G3BP2: variants seen among roughly 807,000 people sequenced by gnomAD.
The protein encoded by G3BP2 is G3BP stress granule assembly factor 2.
In G3BP2, 11 loss-of-function variants were observed where a neutral mutation model predicts 56.7. The ratio of observed to expected loss-of-function variants is 0.19; its 90% confidence interval spans 0.12 to 0.32. The LOEUF (loss-of-function observed/expected upper bound fraction) is 0.32, where lower values mean the gene tolerates loss of function less well. Among genes scored for constraint, G3BP2 ranks in the 10% least tolerant of loss-of-function variants. G3BP2 has a pLI of 1.00. For synonymous variants in G3BP2, 165 were observed against 191.6 expected, an observed-to-expected ratio of 0.86 and a Z score of 1.15; for missense variants, 340 against 610.9, an observed-to-expected ratio of 0.56 and a Z score of 4.67.
intron 3 of G3BP2, among the ~76,000 whole-genome samples, chr4:75,696,589 T>TA (rs1311737790): frequency 6.6e-6 from 1 of 152,156 alleles, no homozygotes; most frequent in East Asian, 1.9e-4. Flanking sequence ...GTTATGTTCT[T>TA]CCCTTCTCTT....
At chr4:75,719,949 T>C (rs1311633711) in intron 3 of G3BP2, among the ~76,000 whole-genome samples, 1 of 151,110 alleles carries the variant, frequency 6.6e-6, no homozygotes, top group African/African-American at 2.4e-5. Flanking sequence ...TCTGAATCTT[T>C]TTGTTCAAGC....
At chr4:75,670,745 G>T (rs1344907410) in intron 1 of G3BP2, among the ~76,000 whole-genome samples, 1 of 150,222 alleles carries the variant, frequency 6.7e-6, no homozygotes, top group Non-Finnish European at 1.5e-5. Context: ...AGGTGTTTGG[G>T]GTTCCTCAGT....
At chr4:75,677,857 T>G (rs890947215), upstream of G3BP2, among the ~76,000 whole-genome samples, 1 of 152,176 alleles carries the variant, frequency 6.6e-6, no homozygotes, top group African/African-American at 2.4e-5. Context: ...TAATCTCCAA[T>G]GCAAAAGTAT....
intron 3 of G3BP2, among the ~76,000 whole-genome samples, chr4:75,693,094 A>C (rs992610756): frequency 1.3e-5 from 2 of 152,062 alleles, no homozygotes; most frequent in Non-Finnish European, 2.9e-5. Context: ...AAATACAAAA[A>C]TTAGACGGGT....
At chr4:75,675,452 T>G (rs1487565237), upstream of G3BP2, among the ~76,000 whole-genome samples, 2 of 152,188 alleles carry the variant, frequency 1.3e-5, no homozygotes, top group Non-Finnish European at 2.9e-5. Context: ...TTCTAACAAG[T>G]TCTCAGCTGA....
chr4:75,719,835 C>T (rs1720084644), intron 3 of G3BP2, among the ~76,000 whole-genome samples: 1 of 151,894 alleles, frequency 6.6e-6, no homozygotes, highest in East Asian at 1.9e-4. Flanking sequence ...GTGATCCACC[C>T]GCCTCGGCCT....
chr4:75,721,862 A>T (rs1488068083), intron 2 of G3BP2, among the ~76,000 whole-genome samples: 2 of 151,750 alleles, frequency 1.3e-5, no homozygotes, highest in African/African-American at 4.9e-5. Flanking sequence ...GAAAAAGATC[A>T]CTCTTAATTT....
At chr4:75,660,453 A>G (rs2148994783) in intron 2 of G3BP2, among the ~76,000 whole-genome samples, 1 of 152,312 alleles carries the variant, frequency 6.6e-6, no homozygotes. Context: ...GGCTATGGTT[A>G]GCTTGTTTAC....
chr4:75,681,485 C>G (rs1171686435), intron 3 of G3BP2, among the ~76,000 whole-genome samples: 1 of 152,070 alleles, frequency 6.6e-6, no homozygotes, highest in Non-Finnish European at 1.5e-5. Context: ...TTTTCCTACA[C>G]ATACATACCT....
intron 3 of G3BP2, among the ~76,000 whole-genome samples, chr4:75,712,725 G>A (rs1184722634): frequency 6.6e-6 from 1 of 152,014 alleles, no homozygotes; most frequent in Non-Finnish European, 1.5e-5. Flanking sequence ...AACTATAAGG[G>A]AGGTGAAAAT....
chr4:75,652,047 A>T (rs146879111), intron 8 of G3BP2, among the ~76,000 whole-genome samples: 42 of 152,358 alleles, frequency 2.8e-4, no homozygotes, highest in Non-Finnish European at 5.1e-4. Context: ...AATATCATGA[A>T]TCCATTTTAA....
intron 3 of G3BP2, among the ~76,000 whole-genome samples, chr4:75,697,952 C>T (rs371048573): frequency 1.6e-5 from 2 of 127,638 alleles, no homozygotes; most frequent in Non-Finnish European, 3.4e-5. Context: ...AAACAAAAAA[C>T]ACAAAAAAAT....
At chr4:75,689,858 T>C (rs1036690061) in intron 3 of G3BP2, among the ~76,000 whole-genome samples, 4 of 152,170 alleles carry the variant, frequency 2.6e-5, no homozygotes, top group Non-Finnish European at 4.4e-5. Context: ...CAAAAGAAGA[T>C]ATATTTTACA....
In G3BP2 at chr4:75,646,430, T is replaced by G; in HGVS notation, c.1084A>C (p.Ile362Leu). The G allele has an allele frequency of 3.1e-6, 5 of 1,610,770 alleles. No individual in the cohort carries two copies. Among genetic ancestry groups the G allele is most frequent in the Non-Finnish European group, 4.2e-6 (5 of 1,177,690 alleles). The change falls in exon 11 of 12, where the codon ATC becomes CTC. Residue 362 changes from isoleucine (I) to leucine (L), a missense_variant. Around this residue, in one of 4 missense-constraint regions of G3BP2, gnomAD observed 94 missense variants for 173.8 expected, o/e 0.54. Transcript: ENST00000359707. Reference protein sequence around the residue: ...MSFGNVVELRINTKGVGGKLP... With the variant: ...MSFGNVVELRLNTKGVGGKLP... ...TTTCCCCCAACACCCTTGGTATTGA[T>G]GCGAAGTTCCACAACGTTTCCAAAA...
intron 3 of G3BP2, among the ~76,000 whole-genome samples, chr4:75,681,670 C>T (rs62318483): frequency 0.24 from 35,585 of 150,954 alleles, 4,396 homozygotes; most frequent in Middle Eastern, 0.36. Flanking sequence ...GCCAACATGG[C>T]GAACCCTGTC....
intron 3 of G3BP2, among the ~76,000 whole-genome samples, chr4:75,716,822 G>A (rs1425186712): frequency 2.0e-5 from 3 of 152,132 alleles, no homozygotes. Context: ...GCCTCTTCTA[G>A]TTCTTTATAC....
At chr4:75,692,029 A>T (rs1442718687) in intron 3 of G3BP2, among the ~76,000 whole-genome samples, 1 of 152,214 alleles carries the variant, frequency 6.6e-6, no homozygotes, top group Non-Finnish European at 1.5e-5. Flanking sequence ...TTCAAGTATG[A>T]CTTTGAGACA....
At chr4:75,664,680 T>A (rs1474385141) in intron 1 of G3BP2, among the ~76,000 whole-genome samples, 2 of 152,140 alleles carry the variant, frequency 1.3e-5, no homozygotes, top group Non-Finnish European at 2.9e-5. Flanking sequence ...AAACCCCATC[T>A]CTACTAAAAA....
chr4:75,685,941 G>C (rs1330598028), intron 3 of G3BP2, among the ~76,000 whole-genome samples: 2 of 152,154 alleles, frequency 1.3e-5, no homozygotes, highest in East Asian at 1.9e-4. Flanking sequence ...ATAATATGGA[G>C]TTAAGGAAGG....
Sources: gnomAD v4.1 joint callset for allele counts (sites outside exome capture counted in the v4.1 genomes callset) on GRCh38, gnomAD v4.1.1 for gene constraint, gnomAD v4.1.1 regional missense constraint, MANE v1.5 for transcripts, NCBI Gene and HGNC (gene_info 2026-07-23, HGNC 2026-07-21) for gene names.